CCZ1: variants seen among roughly 807,000 people sequenced by gnomAD.
CCZ1 encodes vacuolar fusion protein CCZ1 homolog.
CCZ1 carries 19 observed loss-of-function variants against 57.8 expected under a neutral mutation model. That is an observed-to-expected ratio of 0.33 (90% CI 0.23 to 0.48). The LOEUF (loss-of-function observed/expected upper bound fraction) is 0.48, where lower values mean the gene tolerates loss of function less well. CCZ1 is among the 20% of genes least tolerant of loss of function. CCZ1 has a pLI of 0.99. For synonymous variants in CCZ1, 81 were observed against 167.0 expected, an observed-to-expected ratio of 0.49 and a Z score of 3.97; for missense variants, 200 against 492.0, an observed-to-expected ratio of 0.41 and a Z score of 5.61.
chr7:5,907,975 A>G (rs1781874686), intron 7 of CCZ1, among the ~76,000 whole-genome samples: 1 of 142,994 alleles, frequency 7.0e-6, no homozygotes, highest in African/African-American at 2.6e-5. Context: ...TGTGGTGTGC[A>G]CTTAGAGTCC....
intron 12 of CCZ1, among the ~76,000 whole-genome samples, chr7:5,921,157 C>T (rs1489582689): frequency 7.7e-6 from 1 of 130,090 alleles, no homozygotes; most frequent in Non-Finnish European, 1.7e-5. Context: ...TCTCGAACTC[C>T]TGACCTCGTG....
At chr7:5,912,287 C>T (rs1402224820) in intron 9 of CCZ1, among the ~76,000 whole-genome samples, 1 of 129,130 alleles carries the variant, frequency 7.7e-6, no homozygotes, top group Non-Finnish European at 1.6e-5. Flanking sequence ...ATAATATGGA[C>T]ATTGAAATAT....
At chr7:5,924,208 A>AAAAG (rs377383744) in intron 14 of CCZ1, among the ~76,000 whole-genome samples, 1 of 57,092 alleles carries the variant, frequency 1.8e-5, no homozygotes, top group African/African-American at 6.3e-5. Flanking sequence ...AAAAAAAAAA[A>AAAAG]TGACTTTATA....
intron 8 of CCZ1, among the ~76,000 whole-genome samples, chr7:5,910,876 T>C (rs1158747766): frequency 6.8e-6 from 1 of 146,766 alleles, no homozygotes; most frequent in Non-Finnish European, 1.5e-5. Flanking sequence ...GCTGAGATTA[T>C]AGGCACCTGC....
intron 6 of CCZ1, among the ~76,000 whole-genome samples, chr7:5,904,079 A>C (rs1300937224): frequency 2.4e-5 from 3 of 126,656 alleles, no homozygotes; most frequent in African/African-American, 9.7e-5. Context: ...GCATTAAGGC[A>C]GGGAGTTAAT....
At chr7:5,899,482 G>A (rs1781633773) in intron 1 of CCZ1, among the ~76,000 whole-genome samples, 1 of 137,748 alleles carries the variant, frequency 7.3e-6, no homozygotes, top group Non-Finnish European at 1.6e-5. Context: ...TCCAGGCTGG[G>A]CGCTGTGACT....
Position 5,900,843 on chromosome 7 carries a change from C to T in CCZ1, c.313-12C>T. On this transcript the variant is annotated splice_polypyrimidine_tract_variant and intron_variant, in intron 3 of 14. Coordinates refer to ENST00000325974, the MANE Select transcript of CCZ1 (RefSeq NM_015622.6). ...AATTCATTGTATAATTTCAGTTTAT[C>T]AAACTTTGTAGGTTGTTCGGAATCC... The T allele has an allele frequency of 7.7e-7, 1 of 1,295,038 alleles. No individual in the cohort carries two copies. Among genetic ancestry groups the T allele is most frequent in the Non-Finnish European group, 1.1e-6 (1 of 942,540 alleles). 80.2% of individuals were successfully genotyped at this position (1,295,038 alleles called of 1,614,324 possible). A position where few individuals can be genotyped will look rare whatever the true frequency, so the allele number is the denominator to read the frequency against.
In CCZ1 at chr7:5,909,168, C is replaced by T. The variant is rs1249178870; in HGVS notation, c.699-867C>T. Among the ~76,000 whole-genome samples, 2 of 147,194 alleles carry T rather than the reference C, an allele frequency of 1.4e-5. 1 individual carries two copies. The highest frequency in any genetic ancestry group is 4.5e-4 in the East Asian group (2 of 4,448). On this transcript the variant is annotated intron_variant, in intron 7 of 14. Coordinates refer to ENST00000325974, the MANE Select transcript of CCZ1 (RefSeq NM_015622.6). ...ACAGGACTGTAGGAGTAGCCTTTTG[C>T]AGGTCAGGATAAAGTTCCAGTGCCT...
At chr7:5,910,261 A>C in intron 8 of CCZ1, 145 bp downstream of exon 8, 1 of 672,854 alleles carries the variant, frequency 1.5e-6, no homozygotes, top group East Asian at 3.1e-5. Flanking sequence ...CTGTATATCA[A>C]TTAGCACAGA....
rs755943262 is a variant in CCZ1 at position 5,900,365 on chromosome 7, A to G, written c.202A>G (p.Ile68Val). 2.1e-5 allele frequency: 33 copies of G among 1,571,578 alleles called. 1 individual carries two copies. Among genetic ancestry groups the G allele is most frequent in the African/African-American group, 4.1e-5 (3 of 72,382 alleles). The change falls in exon 2 of 15, where the codon ATT becomes GTT. Residue 68 changes from isoleucine (I) to valine (V), a missense_variant. By Grantham distance (29) the Ile-to-Val change is conservative. Coordinates refer to ENST00000325974, the MANE Select transcript of CCZ1 (RefSeq NM_015622.6). ...KIRNVGLCEA[I>V]VQFTRTFSPS... ...TAGAAATGTCGGATTGTGTGAAGCT[A>G]TTGTACAGTTTACAAGGTAATACCT...
chr7:5,901,178 C>G (rs1266009857), intron 4 of CCZ1: 148 of 347,748 alleles, frequency 4.3e-4, no homozygotes, highest in East Asian at 1.5e-3. Context: ...CTTACTGATT[C>G]ACAAATTAGA....
At chr7:5,906,103 C>G (rs1054875936) in intron 7 of CCZ1, among the ~76,000 whole-genome samples, 2 of 146,322 alleles carry the variant, frequency 1.4e-5, no homozygotes, top group African/African-American at 5.1e-5. Context: ...GTTATATAAA[C>G]CAGGAAATTA....
chr7:5,902,619 T>C, intron 5 of CCZ1, 42 bp from the exon 6 acceptor site: 1 of 1,552,946 alleles, frequency 6.4e-7, no homozygotes. Context: ...AAAGTGAGCA[T>C]AGGAAACTGA....
chr7:5,901,982 G>A, intron 5 of CCZ1: 1 of 403,228 alleles, frequency 2.5e-6, no homozygotes, highest in African/African-American at 2.0e-5. Context: ...ACAGAATGCA[G>A]ATAATTTTAT....
At chr7:5,911,123 T>A (rs535139569) in intron 8 of CCZ1, among the ~76,000 whole-genome samples, 1 of 149,208 alleles carries the variant, frequency 6.7e-6, no homozygotes, top group Non-Finnish European at 1.5e-5. Flanking sequence ...TTTTCCTCTA[T>A]CAACAGGAGA....
intron 10 of CCZ1, among the ~76,000 whole-genome samples, chr7:5,916,937 TCA>T (rs1779161081): frequency 1.2e-5 from 1 of 82,044 alleles, no homozygotes; most frequent in Non-Finnish European, 2.4e-5. Flanking sequence ...TTCATAGAAT[TCA>T]CAGTCAAGCT....
Position 5,907,587 on chromosome 7 carries a change from C to T in CCZ1, c.698+2318C>T, listed in dbSNP as rs1194942946. 2.1e-5 allele frequency among the ~76,000 whole-genome samples: 3 copies of T among 146,188 alleles called. 1 individual carries two copies. The highest frequency in any genetic ancestry group is 7.7e-5 in the African/African-American group (3 of 39,106). On this transcript the variant is annotated intron_variant, in intron 7 of 14. Coordinates refer to ENST00000325974, the MANE Select transcript of CCZ1 (RefSeq NM_015622.6). ...TTCCAGGAGCTCATTCTGGGAGACC[C>T]TGGAGCCAGAGTGACCAGCAGGGTT...
At position 5,908,603 on chromosome 7, in the gene CCZ1, C is replaced by T. The variant is rs2528330; in HGVS notation, c.699-1432C>T. On this transcript the variant is annotated intron_variant, in intron 7 of 14. Transcript: ENST00000325974. ...CCATGTTGGCCAGGCTGGTGTTGAA[C>T]CCCTGACCTTAGGTGATCTGCTCAC... Among the ~76,000 whole-genome samples, 33 of 147,746 alleles carry T rather than the reference C, an allele frequency of 2.2e-4. 1 individual carries two copies. Among genetic ancestry groups the T allele is most frequent in the Middle Eastern group, 3.5e-3 (1 of 288 alleles).
intron 8 of CCZ1, 27 bp downstream of exon 8, chr7:5,910,143 A>T (rs1266509391): frequency 6.3e-7 from 1 of 1,577,740 alleles, no homozygotes; most frequent in Non-Finnish European, 8.7e-7. Context: ...AGCTGCGCAC[A>T]ATTACATGCA....
Sources: allele counts gnomAD v4.1 joint callset (sites outside exome capture counted in the v4.1 genomes callset), GRCh38; gene constraint gnomAD v4.1.1; transcripts MANE v1.5; gene names NCBI Gene and HGNC (gene_info 2026-07-23, HGNC 2026-07-21).